PLPPR1: variants seen among roughly 807,000 people sequenced by gnomAD.
The protein encoded by PLPPR1 is phospholipid phosphatase-related protein type 1.
Under a neutral mutation model 33.1 loss-of-function variants are expected in PLPPR1, and 10 were observed. That is an observed-to-expected ratio of 0.30 (90% CI 0.19 to 0.51). PLPPR1 has a LOEUF of 0.51. PLPPR1 is among the 20% of genes least tolerant of loss of function. PLPPR1 has a pLI of 0.97. For synonymous variants in PLPPR1, 151 were observed against 151.0 expected (o/e 1.00, Z 0.00); for missense variants, 304 against 408.1 (o/e 0.74, Z 2.20).
chr9:101,298,635 C>T (rs1828691678), intron 4 of PLPPR1, among the ~76,000 whole-genome samples: 1 of 151,972 alleles, frequency 6.6e-6, no homozygotes, highest in Non-Finnish European at 1.5e-5. Flanking sequence ...AGCTGGGGGG[C>T]CGGTCATGTT....
intron 1 of PLPPR1, among the ~76,000 whole-genome samples, chr9:101,100,760 C>T (rs1271407996): frequency 6.6e-6 from 1 of 150,734 alleles, no homozygotes; most frequent in African/African-American, 2.4e-5. Context: ...ATTTATCAAG[C>T]AGTTATAATA....
chr9:101,216,554 G>A (rs1042489001), intron 2 of PLPPR1, among the ~76,000 whole-genome samples: 10 of 152,076 alleles, frequency 6.6e-5, no homozygotes, highest in African/African-American at 2.4e-4. Flanking sequence ...ATTTGACAGA[G>A]CTGTTTTAAA....
intron 1 of PLPPR1, among the ~76,000 whole-genome samples, chr9:101,059,384 G>A (rs1278568949): frequency 1.3e-5 from 2 of 152,086 alleles, no homozygotes; most frequent in African/African-American, 4.8e-5. Flanking sequence ...AACTAAATGA[G>A]TATAACAAGT....
chr9:101,113,655 A>G (rs1470183443), intron 1 of PLPPR1, among the ~76,000 whole-genome samples: 1 of 152,200 alleles, frequency 6.6e-6, no homozygotes, highest in Non-Finnish European at 1.5e-5. Context: ...ACAAAAAACA[A>G]AAAAACCAAA....
intron 1 of PLPPR1, among the ~76,000 whole-genome samples, chr9:101,113,062 A>G (rs1831075989): frequency 6.6e-6 from 1 of 152,200 alleles, no homozygotes; most frequent in Non-Finnish European, 1.5e-5. Context: ...ACAGTTGTAT[A>G]TACCTGGACC....
At chr9:101,251,228 A>G (rs1199615292) in intron 2 of PLPPR1, among the ~76,000 whole-genome samples, 1 of 151,988 alleles carries the variant, frequency 6.6e-6, no homozygotes. Flanking sequence ...TTGTTTCTCT[A>G]CTGCCTGGCA....
chr9:101,078,001 G>A (rs993653428), intron 1 of PLPPR1, among the ~76,000 whole-genome samples: 7 of 149,818 alleles, frequency 4.7e-5, no homozygotes, highest in Admixed American at 6.7e-5. Context: ...TGAGCTAATG[G>A]CCGATAGGTG....
intron 4 of PLPPR1, among the ~76,000 whole-genome samples, chr9:101,294,388 T>A (rs1048916669): frequency 2.0e-5 from 3 of 151,862 alleles, no homozygotes; most frequent in Admixed American, 6.6e-5. Flanking sequence ...GAGGAACTGG[T>A]ATCATTCCTT....
chr9:101,149,385 A>T (rs1031362151), intron 1 of PLPPR1, among the ~76,000 whole-genome samples: 1 of 152,144 alleles, frequency 6.6e-6, no homozygotes, highest in Non-Finnish European at 1.5e-5. Flanking sequence ...CACTTCTGGG[A>T]CTTATCTATG....
chr9:101,147,351 A>G lies in PLPPR1; in HGVS notation c.-45-38099A>G, dbSNP rs78589665. 3.4e-3 allele frequency among the ~76,000 whole-genome samples: 520 copies of G among 152,266 alleles called. 1 individual carries two copies. Among genetic ancestry groups the G allele is most frequent in the African/African-American group, 0.012 (494 of 41,560 alleles). On this transcript the variant is annotated intron_variant, in intron 1 of 7. Coordinates refer to ENST00000374874, the MANE Select transcript of PLPPR1 (RefSeq NM_207299.2). ...TAGCCACTTTTAGTCTTATGAAGGCACCTATTTCTTCATAATATTAGGGGA... is the reference window on the plus strand; with the variant it reads ...TAGCCACTTTTAGTCTTATGAAGGCGCCTATTTCTTCATAATATTAGGGGA...
At chr9:101,064,313 C>T (rs1230139944) in intron 1 of PLPPR1, among the ~76,000 whole-genome samples, 3 of 151,928 alleles carry the variant, frequency 2.0e-5, no homozygotes, top group Non-Finnish European at 4.4e-5. Flanking sequence ...TTGGCTAAAC[C>T]TGGCTCAGAG....
intron 2 of PLPPR1, among the ~76,000 whole-genome samples, chr9:101,236,723 T>C (rs12005858): frequency 0.52 from 79,262 of 151,554 alleles, 22,799 homozygotes; most frequent in African/African-American, 0.78. Context: ...AATCTAATAC[T>C]TTGAACATTT....
At chr9:101,140,739 A>G (rs1036119339) in intron 1 of PLPPR1, among the ~76,000 whole-genome samples, 15 of 152,174 alleles carry the variant, frequency 9.9e-5, no homozygotes, top group African/African-American at 3.6e-4. Flanking sequence ...AACTTGGCCA[A>G]TGAGTTGTGG....
chr9:101,156,234 G>T (rs1392796746), intron 1 of PLPPR1, among the ~76,000 whole-genome samples: 3 of 152,074 alleles, frequency 2.0e-5, no homozygotes, highest in Non-Finnish European at 4.4e-5. Context: ...TGGGTGGAGA[G>T]GTTTTCTAGC....
chr9:101,156,692 T>A (rs2118662616), intron 1 of PLPPR1, among the ~76,000 whole-genome samples: 1 of 118,716 alleles, frequency 8.4e-6, no homozygotes, highest in East Asian at 2.2e-4. Flanking sequence ...ATAATAATTC[T>A]GTCTTATAGG....
intron 3 of PLPPR1, among the ~76,000 whole-genome samples, chr9:101,278,274 T>C (rs959284074): frequency 2.0e-5 from 3 of 152,228 alleles, no homozygotes; most frequent in African/African-American, 7.2e-5. Context: ...TTGATATCAG[T>C]TATTTATTGC....
intron 2 of PLPPR1, among the ~76,000 whole-genome samples, chr9:101,229,768 G>C (rs1406043377): frequency 6.6e-6 from 1 of 152,144 alleles, no homozygotes; most frequent in Non-Finnish European, 1.5e-5. Context: ...TGAAGGGTCA[G>C]AGCCAGCAAA....
At chr9:101,275,822 G>A (rs1828181481) in intron 3 of PLPPR1, among the ~76,000 whole-genome samples, 3 of 152,146 alleles carry the variant, frequency 2.0e-5, no homozygotes, top group Admixed American at 1.3e-4. Flanking sequence ...CTTCCAGCCC[G>A]AGGATTGAAA....
intron 2 of PLPPR1, among the ~76,000 whole-genome samples, chr9:101,221,277 T>C (rs2118791296): frequency 6.6e-6 from 1 of 152,252 alleles, no homozygotes. Flanking sequence ...CAAAATCCAT[T>C]GTATCATTCT....
Sources: gnomAD v4.1 joint callset for allele counts (sites outside exome capture counted in the v4.1 genomes callset) on GRCh38, gnomAD v4.1.1 for gene constraint, MANE v1.5 for transcripts, NCBI Gene and HGNC (gene_info 2026-07-23, HGNC 2026-07-21) for gene names.